ITGA11: variants seen among roughly 807,000 people sequenced by gnomAD.
ITGA11 encodes integrin alpha-11.
A neutral mutation model predicts 141.9 loss-of-function variants in ITGA11; 97 were observed. The observed-to-expected ratio is 0.68, with a 90% confidence interval of 0.58 to 0.81. The LOEUF (loss-of-function observed/expected upper bound fraction) is 0.81, where lower values mean the gene tolerates loss of function less well. Among genes scored for constraint, ITGA11 ranks in the 30% least tolerant of loss-of-function variants. ITGA11 has a pLI of 0.00. For synonymous variants in ITGA11, 658 were observed against 624.6 expected, an observed-to-expected ratio of 1.05 and a Z score of -0.80; for missense variants, 1,387 against 1,559.2, an observed-to-expected ratio of 0.89 and a Z score of 1.86.
chr15:68,317,954 G>C (rs1393399258), intron 20 of ITGA11, among the ~76,000 whole-genome samples: 2 of 152,184 alleles, frequency 1.3e-5, no homozygotes, highest in African/African-American at 4.8e-5. Context: ...CATGTACACA[G>C]AGCATGTGCA....
intron 10 of ITGA11, among the ~76,000 whole-genome samples, chr15:68,343,132 G>C (rs534213526): frequency 1.8e-4 from 27 of 152,050 alleles, no homozygotes; most frequent in Non-Finnish European, 1.6e-4. Context: ...GTGAGTACTT[G>C]GTACATGGTA....
chr15:68,369,946 A>G (rs958238356), intron 2 of ITGA11, among the ~76,000 whole-genome samples: 11 of 152,206 alleles, frequency 7.2e-5, no homozygotes, highest in Non-Finnish European at 1.3e-4. Context: ...CCTAAATTCA[A>G]TGGCAAGTGT....
rs745644741 is a variant in ITGA11 at position 68,350,661 on chromosome 15, T to C, written c.1016A>G (p.Lys339Arg). 1.9e-6 allele frequency: 3 copies of C among 1,613,990 alleles called. No homozygotes were observed. The highest frequency in any genetic ancestry group is 2.5e-6 in the Non-Finnish European group (3 of 1,179,874). ...GTCCCCCAGGGCATCGACAATGTCCTTCAAGGCAGCCTCATCAGTGACATT... is the reference window on the plus strand; with the variant it reads ...GTCCCCCAGGGCATCGACAATGTCCCTCAAGGCAGCCTCATCAGTGACATT... ...FFNVTDEAALKDIVDALGDRI... is the reference protein window; with the variant it reads ...FFNVTDEAALRDIVDALGDRI... Residue 339 changes from lysine (K) to arginine (R), a missense_variant, in exon 9 of 30, where the codon AAG (lysine) becomes AGG (arginine). Coordinates refer to ENST00000315757, the MANE Select transcript of ITGA11 (RefSeq NM_001004439.2).
intron 2 of ITGA11, among the ~76,000 whole-genome samples, chr15:68,400,657 TAA>T (rs1179507254): frequency 4.4e-4 from 24 of 55,042 alleles, no homozygotes; most frequent in African/African-American, 6.3e-4. Context: ...TATTATATAA[TAA>T]ATATATTATA....
At chr15:68,412,597 G>A (rs907326878) in intron 1 of ITGA11, among the ~76,000 whole-genome samples, 6 of 150,406 alleles carry the variant, frequency 4.0e-5, no homozygotes, top group Admixed American at 6.6e-5. Context: ...CGAACTCCCC[G>A]TTAGACAAGC....
chr15:68,318,728 G>A (rs926594894), intron 20 of ITGA11, among the ~76,000 whole-genome samples: 3 of 148,596 alleles, frequency 2.0e-5, no homozygotes, highest in African/African-American at 4.9e-5. Context: ...TGGCAAGCAA[G>A]GGGGGGGCAC....
chr15:68,324,159 G>T lies in ITGA11; in HGVS notation c.2322+972C>A, dbSNP rs566340123. 4.6e-5 allele frequency among the ~76,000 whole-genome samples: 7 copies of T among 152,194 alleles called. No individual in the cohort carries two copies. The highest frequency in any genetic ancestry group is 4.6e-4 in the Admixed American group (7 of 15,290). Reference sequence around the variant, plus strand: ...GAAAGAGGGGAGGTGTGAGGACGGAGGTTTGGCAGGGGACTGTGGGAGGCC... The same window carrying T: ...GAAAGAGGGGAGGTGTGAGGACGGATGTTTGGCAGGGGACTGTGGGAGGCC... On this transcript the variant is annotated intron_variant, in intron 18 of 29. Coordinates refer to ENST00000315757, the MANE Select transcript of ITGA11 (RefSeq NM_001004439.2). This position sits in a 1 kb window ranked among gnomAD's most constrained non-coding sequence, Gnocchi z 6.3.
chr15:68,367,771 C>T (rs1436135955), intron 3 of ITGA11, among the ~76,000 whole-genome samples: 4 of 152,164 alleles, frequency 2.6e-5, no homozygotes, highest in Admixed American at 1.3e-4. Context: ...GTTGTCGAGT[C>T]CAGCCTCCTT....
intron 2 of ITGA11, among the ~76,000 whole-genome samples, chr15:68,391,564 G>C (rs1281293675): frequency 2.0e-5 from 3 of 152,222 alleles, no homozygotes; most frequent in Non-Finnish European, 2.9e-5. Context: ...TCCAACAGGG[G>C]AGATGGGCCA....
chr15:68,358,314 C>G (rs1895131855), intron 6 of ITGA11, 144 bp downstream of exon 6: 1 of 783,400 alleles, frequency 1.3e-6, no homozygotes, highest in African/African-American at 1.8e-5. Flanking sequence ...CTGCAGTGCC[C>G]CAGTGCTGGC....
rs553761507 is a variant in ITGA11 at position 68,305,957 on chromosome 15, C to T, written c.3381+1391G>A. 2.2e-4 allele frequency among the ~76,000 whole-genome samples: 33 copies of T among 149,720 alleles called. 1 individual carries two copies. The highest frequency in any genetic ancestry group is 1.8e-3 in the East Asian group (9 of 5,114). On this transcript the variant is annotated intron_variant, in intron 28 of 29. Coordinates refer to ENST00000315757, the MANE Select transcript of ITGA11 (RefSeq NM_001004439.2). The surrounding 1 kb of genome is among the most constrained non-coding windows in gnomAD (Gnocchi z 4.6). ...ATCCCAGCACTTTGGGAAGCCGAGGCGGGCAGATCATGAGGTCAGGAGATC... is the reference window on the plus strand; with the variant it reads ...ATCCCAGCACTTTGGGAAGCCGAGGTGGGCAGATCATGAGGTCAGGAGATC...
intron 2 of ITGA11, among the ~76,000 whole-genome samples, chr15:68,377,563 C>T (rs780573847): frequency 6.6e-6 from 1 of 152,172 alleles, no homozygotes; most frequent in Non-Finnish European, 1.5e-5. Flanking sequence ...TGAGCCACTG[C>T]GCCTGGCCCG....
At chr15:68,423,944 T>C (rs1057487616) in intron 1 of ITGA11, among the ~76,000 whole-genome samples, 6 of 152,156 alleles carry the variant, frequency 3.9e-5, no homozygotes, top group Admixed American at 1.3e-4. Flanking sequence ...GGAATGACCC[T>C]AATGGACTTC....
Position 68,328,320 on chromosome 15 carries a change from G to T in ITGA11, c.1902-58C>A, listed in dbSNP as rs1366205005. The T allele has an allele frequency of 5.3e-6, 8 of 1,507,320 alleles. No homozygotes were observed. The highest frequency in any genetic ancestry group is 1.9e-5 in the Admixed American group (1 of 53,598). 93.4% of individuals were successfully genotyped at this position (1,507,320 alleles called of 1,614,324 possible). On this transcript the variant is annotated intron_variant, in intron 15 of 29. Coordinates refer to ENST00000315757, the MANE Select transcript of ITGA11 (RefSeq NM_001004439.2). This position sits in a 1 kb window ranked among gnomAD's most constrained non-coding sequence, Gnocchi z 4.8. The stretch of plus-strand genomic sequence containing the variant: ...GCAGGGGCTCAGGCTGCCCTGCTGT[G>T]ACCATGGGGAAAGACAAGAACCAGA...
chr15:68,338,972 T>G (rs996044461), intron 11 of ITGA11, among the ~76,000 whole-genome samples: 1 of 152,208 alleles, frequency 6.6e-6, no homozygotes, highest in African/African-American at 2.4e-5. Context: ...GGAAGGTGAC[T>G]TTGGCCAGCA....
intron 2 of ITGA11, among the ~76,000 whole-genome samples, chr15:68,371,322 C>G (rs116740412): frequency 7.8e-4 from 119 of 152,312 alleles, no homozygotes; most frequent in African/African-American, 2.7e-3. Flanking sequence ...ACCAAGTCTT[C>G]CTGAGGGACA....
At chr15:68,341,813 G>C (rs972398581) in intron 10 of ITGA11, among the ~76,000 whole-genome samples, 1 of 152,232 alleles carries the variant, frequency 6.6e-6, no homozygotes, top group African/African-American at 2.4e-5. Flanking sequence ...TGGCCCAGGG[G>C]CGTGGGATTC....
At chr15:68,360,946 T>C (rs1163644746) in intron 5 of ITGA11, among the ~76,000 whole-genome samples, 1 of 152,062 alleles carries the variant, frequency 6.6e-6, no homozygotes, top group Non-Finnish European at 1.5e-5. Flanking sequence ...CAGCAGCTGC[T>C]TGGGTGATGG....
chr15:68,325,244 G>T lies in ITGA11; in HGVS notation c.2212-3C>A. The stretch of plus-strand genomic sequence containing the variant: ...GGCTTCACGTAGTCAGCAGTGTCCT[G>T]GGGGGTGGAGATGAGGGCAGCGGTG... On this transcript the variant is annotated splice_region_variant and splice_polypyrimidine_tract_variant and intron_variant, in intron 17 of 29. Coordinates refer to ENST00000315757, the MANE Select transcript of ITGA11 (RefSeq NM_001004439.2). The surrounding 1 kb of genome is among the most constrained non-coding windows in gnomAD (Gnocchi z 5.5). 1.2e-6 allele frequency: 2 copies of T among 1,601,878 alleles called. No homozygotes were observed. The highest frequency in any genetic ancestry group is 1.7e-5 in the Admixed American group (1 of 59,994).
Sources: gnomAD v4.1 joint callset for allele counts (sites outside exome capture counted in the v4.1 genomes callset) on GRCh38, gnomAD v4.1.1 for gene constraint, Gnocchi (gnomAD v3.1) non-coding constraint, MANE v1.5 for transcripts, NCBI Gene and HGNC (gene_info 2026-07-23, HGNC 2026-07-21) for gene names.